The following NRXN3 variants were observed in gnomAD, a reference collection of about 807,000 sequenced individuals.
The protein encoded by NRXN3 is neurexin 3.
NRXN3 carries 32 observed loss-of-function variants against 137.6 expected under a neutral mutation model. The observed-to-expected ratio is 0.23, with a 90% CI of 0.18 to 0.31. NRXN3 has a LOEUF of 0.31. Ranked by LOEUF, NRXN3 falls within the 10% of genes least tolerant of loss-of-function variation. NRXN3 has a pLI of 1.00. For missense variants in NRXN3, 1,574 were observed against 2,062.5 expected, an observed-to-expected ratio of 0.76 and a Z score of 4.59; for synonymous variants, 798 against 784.5, an observed-to-expected ratio of 1.02 and a Z score of -0.29.
At chr14:79,245,166 T>A (rs761890629) in intron 15 of NRXN3, among the ~76,000 whole-genome samples, 1 of 151,774 alleles carries the variant, frequency 6.6e-6, no homozygotes, top group Non-Finnish European at 1.5e-5. Context: ...AAATGAAAAA[T>A]GTCACAGCTA....
intron 15 of NRXN3, among the ~76,000 whole-genome samples, chr14:79,027,408 A>G (rs2099600431): frequency 6.6e-6 from 1 of 152,126 alleles, no homozygotes; most frequent in Non-Finnish European, 1.5e-5. Context: ...TTTATGAAAC[A>G]AAGCAAAATA....
At chr14:79,062,837 G>A (rs1265797320) in intron 15 of NRXN3, among the ~76,000 whole-genome samples, 9 of 151,974 alleles carry the variant, frequency 5.9e-5, no homozygotes, top group Admixed American at 2.0e-4. Flanking sequence ...TATAAAACAC[G>A]AAACAAAAAC....
chr14:79,730,919 T>C (rs2098919782), intron 19 of NRXN3, among the ~76,000 whole-genome samples: 1 of 152,172 alleles, frequency 6.6e-6, no homozygotes, highest in Admixed American at 6.5e-5. Context: ...TTTCCTCCAC[T>C]GTAAAATGAG....
At chr14:79,220,283 C>T in intron 15 of NRXN3, among the ~76,000 whole-genome samples, 1 of 151,922 alleles carries the variant, frequency 6.6e-6, no homozygotes. Flanking sequence ...TTTCTTTTTT[C>T]CTTTTGAATA....
At chr14:78,577,208 T>A (rs2096944506) in intron 4 of NRXN3, among the ~76,000 whole-genome samples, 1 of 152,170 alleles carries the variant, frequency 6.6e-6, no homozygotes, top group Non-Finnish European at 1.5e-5. Flanking sequence ...TTGGTAGGAG[T>A]TACTACACAT....
intron 4 of NRXN3, among the ~76,000 whole-genome samples, chr14:78,600,093 G>A (rs981504082): frequency 6.6e-6 from 1 of 152,124 alleles, no homozygotes; most frequent in Admixed American, 6.5e-5. Flanking sequence ...AGGTGACCGA[G>A]GGGGGCAGAG....
chr14:79,708,571 C>T (rs2098790628), intron 19 of NRXN3, among the ~76,000 whole-genome samples: 1 of 151,508 alleles, frequency 6.6e-6, no homozygotes. Context: ...CAGCAATCGT[C>T]ACTTGCCAGG....
intron 2 of NRXN3, among the ~76,000 whole-genome samples, chr14:78,274,683 A>G (rs914508270): frequency 1.3e-5 from 2 of 152,208 alleles, no homozygotes; most frequent in African/African-American, 4.8e-5. Flanking sequence ...GTAAGTGTCC[A>G]TGGGATTCAG....
intron 16 of NRXN3, among the ~76,000 whole-genome samples, chr14:79,532,382 A>G (rs758913686): frequency 6.6e-5 from 10 of 152,178 alleles, no homozygotes; most frequent in Non-Finnish European, 1.3e-4. Flanking sequence ...TCTGAGAGGA[A>G]ATTGAGAAAT....
At chr14:79,161,345 T>C (rs1474571221) in intron 15 of NRXN3, among the ~76,000 whole-genome samples, 2 of 151,908 alleles carry the variant, frequency 1.3e-5, no homozygotes, top group African/African-American at 4.8e-5. Flanking sequence ...AATCCCAGAC[T>C]ATAGAAACTT....
chr14:79,214,179 A>G lies in NRXN3; in HGVS notation c.3262+226038A>G, dbSNP rs187997865. 4.9e-4 allele frequency among the ~76,000 whole-genome samples: 75 copies of G among 152,346 alleles called. 1 individual carries two copies. Among genetic ancestry groups the G allele is most frequent in the Non-Finnish European group, 1.3e-4 (9 of 68,038 alleles). On this transcript the variant is annotated intron_variant, in intron 15 of 20. Coordinates refer to ENST00000335750, the MANE Select transcript of NRXN3 (RefSeq NM_001330195.2). ...CATGCATTGCCCTGTGGCATATTAC[A>G]TATTACTCTCTCATAGAATATATAG...
chr14:78,605,165 A>G (rs1393104587), intron 4 of NRXN3, among the ~76,000 whole-genome samples: 1 of 152,078 alleles, frequency 6.6e-6, no homozygotes, highest in African/African-American at 2.4e-5. Flanking sequence ...GGTCCTTTTG[A>G]GTTTTAAGTC....
intron 14 of NRXN3, among the ~76,000 whole-genome samples, chr14:78,968,729 G>A (rs948293928): frequency 6.6e-6 from 1 of 152,184 alleles, no homozygotes; most frequent in Non-Finnish European, 1.5e-5. Context: ...GAGATTTTAT[G>A]TAGATGTCAC....
intron 16 of NRXN3, 93 bp downstream of exon 16, chr14:79,467,495 T>C (rs1348980248): frequency 3.6e-6 from 4 of 1,108,758 alleles, no homozygotes; most frequent in African/African-American, 1.6e-5. Context: ...TAGATCAATA[T>C]GGCAAAGGTG....
chr14:78,945,605 T>G (rs186413785), intron 10 of NRXN3, among the ~76,000 whole-genome samples: 2 of 152,156 alleles, frequency 1.3e-5, no homozygotes, highest in African/African-American at 4.8e-5. Context: ...TTATGCAACA[T>G]TGGGCAATTG....
chr14:79,675,489 C>A (rs541490049), intron 17 of NRXN3, among the ~76,000 whole-genome samples: 3 of 151,990 alleles, frequency 2.0e-5, no homozygotes, highest in Non-Finnish European at 4.4e-5. Flanking sequence ...ATTTAAATCA[C>A]GGATAGTTGG....
At chr14:78,993,003 G>T (rs2099521987) in intron 15 of NRXN3, among the ~76,000 whole-genome samples, 1 of 152,184 alleles carries the variant, frequency 6.6e-6, no homozygotes. Context: ...ACTGCAGGAT[G>T]CCTGTTGGAG....
rs371374566 is a variant in NRXN3 at position 78,466,652 on chromosome 14, C to G, written c.757+168792C>G. Among the ~76,000 whole-genome samples the G allele has an allele frequency of 4.6e-5, 7 of 152,146 alleles. No individual in the cohort carries two copies. In the East Asian group the frequency reaches 5.8e-4, roughly 13 times the overall value. On this transcript the variant is annotated intron_variant, in intron 4 of 20. Transcript: ENST00000335750. ...TTTTTAAAGAGAGGGGTGGACTTGA[C>G]CTGTATTTTCAGATGCAAAGTAAAG...
intron 20 of NRXN3, among the ~76,000 whole-genome samples, chr14:79,832,773 A>G (rs1047320263): frequency 2.0e-5 from 3 of 152,186 alleles, no homozygotes; most frequent in Non-Finnish European, 2.9e-5. Flanking sequence ...TAAAAAAAAC[A>G]TAAATTGCCC....
Sources: gnomAD v4.1 joint callset for allele counts (sites outside exome capture counted in the v4.1 genomes callset) on GRCh38, gnomAD v4.1.1 for gene constraint, MANE v1.5 for transcripts, NCBI Gene and HGNC (gene_info 2026-07-23, HGNC 2026-07-21) for gene names.